The following METTL6 variants were observed in gnomAD, a reference collection of about 807,000 sequenced individuals.
METTL6 encodes the protein methyltransferase 6, tRNA N3-cytidine.
In METTL6, 22 loss-of-function variants were observed where a neutral mutation model predicts 26.4. That is an observed-to-expected ratio of 0.83 (90% confidence interval 0.59 to 1.19). The LOEUF is 1.19. Among genes scored for constraint, METTL6 ranks in the 50% most tolerant of loss-of-function variants. The probability of loss-of-function intolerance (pLI) is 0.00; values close to 1 mark genes in which losing one functional copy is unlikely to be tolerated. For synonymous variants in METTL6, 109 were observed against 116.2 expected (o/e 0.94, Z 0.40); for missense variants, 304 against 324.8 (o/e 0.94, Z 0.49).
chr3:15,401,473 C>T (rs566763046), intron 6 of METTL6, among the ~76,000 whole-genome samples: 1 of 150,026 alleles, frequency 6.7e-6, no homozygotes, highest in East Asian at 2.0e-4. Flanking sequence ...TGTGTCTGGC[C>T]CAGTTTTACA....
At chr3:15,418,971 G>T (rs2061551550) in intron 3 of METTL6, among the ~76,000 whole-genome samples, 1 of 152,060 alleles carries the variant, frequency 6.6e-6, no homozygotes, top group African/African-American at 2.4e-5. Context: ...ATCCTGTGTA[G>T]CCTGGGCAAC....
chr3:15,398,485 C>T lies in METTL6; in HGVS notation c.*11+12760G>A, dbSNP rs113404712. ...CTGGGATTACAGGCATGAGCCACTG[C>T]AGCTGGCCCAATGCTGAGAATTGAT... On this transcript the variant is annotated intron_variant, in intron 6 of 6. Transcript: ENST00000443029. Among the ~76,000 whole-genome samples the T allele has an allele frequency of 5.5e-3, 845 of 152,338 alleles. 7 individuals are homozygous for T. Among genetic ancestry groups the T allele is most frequent in the African/African-American group, 0.018 (759 of 41,588 alleles).
intron 6 of METTL6, among the ~76,000 whole-genome samples, chr3:15,390,555 C>T (rs1364770213): frequency 6.6e-6 from 1 of 152,192 alleles, no homozygotes; most frequent in Admixed American, 6.5e-5. Flanking sequence ...ACTCGGCCAC[C>T]TCGTGCTCAA....
Position 15,426,477 on chromosome 3 carries a change from C to G in METTL6, c.35G>C (p.Arg12Thr). ...CTCCTCTTCTTCAGAGGTGAGAATC[C>G]TTGCCTGCAGCCCTTTCCTTTGCAA... is the stretch of plus-strand genomic sequence containing the variant. ...ASLQRKGLQA[R>T]ILTSEEEEKL... Residue 12 changes from arginine to threonine, a missense_variant, in exon 2 of 6, where the codon AGG becomes ACG. Transcript: ENST00000383790. 7 of 1,614,090 alleles carry G rather than the reference C, an allele frequency of 4.3e-6. No homozygotes were observed. The highest frequency in any genetic ancestry group is 5.9e-6 in the Non-Finnish European group (7 of 1,180,028).
At chr3:15,397,679 A>C (rs1373336643) in intron 6 of METTL6, among the ~76,000 whole-genome samples, 2 of 152,174 alleles carry the variant, frequency 1.3e-5, no homozygotes, top group African/African-American at 4.8e-5. Flanking sequence ...TTATAGTTTA[A>C]ATTATAATAG....
chr3:15,404,739 G>A (rs1297653250), intron 6 of METTL6, among the ~76,000 whole-genome samples: 2 of 152,044 alleles, frequency 1.3e-5, no homozygotes, highest in Non-Finnish European at 2.9e-5. Flanking sequence ...TTATTCACAG[G>A]TGAGATCATA....
rs2061728642 is a variant in METTL6 at position 15,426,531 on chromosome 3, A to G, written c.-20T>C. 3.8e-6 allele frequency: 6 copies of G among 1,598,662 alleles called. No homozygotes were observed. Among genetic ancestry groups the G allele is most frequent in the Admixed American group, 1.7e-5 (1 of 59,166 alleles). ...AGCCATCTCTGAAACTGACGGTAAC[A>G]CTTAACACAGCTGAAGATTCTCCAT... On this transcript the variant is annotated 5_prime_UTR_variant, in exon 2 of 6. Transcript: ENST00000383790.
chr3:15,387,990 T>C (rs2124892397), intron 6 of METTL6, among the ~76,000 whole-genome samples: 1 of 152,214 alleles, frequency 6.6e-6, no homozygotes, highest in Middle Eastern at 3.4e-3. Context: ...ACAGGGGAAC[T>C]GCAGTAGACA....
rs1186847260 is a variant in METTL6, at chr3:15,410,591, A to G, written c.*665T>C. 1.3e-5 allele frequency among the ~76,000 whole-genome samples: 2 copies of G among 152,194 alleles called. No individual in the cohort carries two copies. Among genetic ancestry groups the G allele is most frequent in the African/African-American group, 4.8e-5 (2 of 41,440 alleles). ...CTCTCAAAGTGCTGGGGTTATAGGC[A>G]TGAGCCTATAACCCTCAAAATATCT... On this transcript the variant is annotated 3_prime_UTR_variant, in exon 6 of 6. Coordinates refer to ENST00000383790, the MANE Select transcript of METTL6 (RefSeq NM_152396.4).
chr3:15,389,415 T>G (rs1699283984), intron 6 of METTL6, among the ~76,000 whole-genome samples: 1 of 152,204 alleles, frequency 6.6e-6, no homozygotes, highest in Non-Finnish European at 1.5e-5. Context: ...CAGCCCTTTA[T>G]GTAGATAGAG....
At position 15,411,285 on chromosome 3, in the gene METTL6, C is replaced by G. The variant is rs1260910662; in HGVS notation, c.826G>C (p.Val276Leu). 6.2e-7 allele frequency: 1 copy of G among 1,614,030 alleles called. No homozygotes were observed. Among genetic ancestry groups the G allele is most frequent in the Non-Finnish European group, 8.5e-7 (1 of 1,180,010 alleles). Residue 276 changes from valine to leucine, a missense_variant, in exon 6 of 6, where the codon GTG (valine) becomes CTG (leucine). Transcript: ENST00000383790. ...FLKPPKNPSP[V>L]VLGLDPKS ...GACTTAGGATCCAGGCCCAGGACCA[C>G]AGGAGATGGGTTCTTAGGAGGCTTT...
At chr3:15,420,726 C>T (rs891573311) in intron 3 of METTL6, among the ~76,000 whole-genome samples, 3 of 152,104 alleles carry the variant, frequency 2.0e-5, no homozygotes, top group Non-Finnish European at 4.4e-5. Flanking sequence ...GTATGACCAA[C>T]GTAGAGTCAG....
At chr3:15,402,749 A>G (rs1252897998) in intron 6 of METTL6, among the ~76,000 whole-genome samples, 2 of 149,838 alleles carry the variant, frequency 1.3e-5, no homozygotes, top group African/African-American at 5.0e-5. Flanking sequence ...AAAAAAAAAA[A>G]GAAAAAGAAA....
At chr3:15,421,489 G>A (rs1005000068) in intron 3 of METTL6, among the ~76,000 whole-genome samples, 1 of 152,070 alleles carries the variant, frequency 6.6e-6, no homozygotes. Context: ...TTGAGATAGG[G>A]TCCTGCTTTG....
chr3:15,381,851 A>C (rs1003344362), exon 7 of METTL6: 3 of 152,132 alleles, frequency 2.0e-5, no homozygotes, highest in Admixed American at 6.5e-5. Context: ...TGAATATGTC[A>C]GATTATCTCT....
At chr3:15,407,118 G>A (rs1355577647), downstream of METTL6, among the ~76,000 whole-genome samples, 1 of 152,164 alleles carries the variant, frequency 6.6e-6, no homozygotes, top group Non-Finnish European at 1.5e-5. Flanking sequence ...CCGGGTTCAA[G>A]TGAGCCTCGG....
chr3:15,395,818 TG>T (rs1403007553), intron 6 of METTL6, among the ~76,000 whole-genome samples: 2 of 152,210 alleles, frequency 1.3e-5, no homozygotes, highest in East Asian at 3.8e-4. Context: ...TGTTGAATAT[TG>T]GCCCCCACTC....
At chr3:15,426,208 G>T in intron 2 of METTL6, 79 bp downstream of exon 2, 1 of 1,401,642 alleles carries the variant, frequency 7.1e-7, no homozygotes, top group Non-Finnish European at 9.9e-7. Flanking sequence ...CCAAGTACTG[G>T]GATTACAGGC....
intron 3 of METTL6, among the ~76,000 whole-genome samples, chr3:15,423,238 A>G (rs887612017): frequency 4.6e-5 from 7 of 152,034 alleles, no homozygotes; most frequent in Non-Finnish European, 1.0e-4. Context: ...TCTACTAAAA[A>G]TACAAAAATT....
Sources: allele counts gnomAD v4.1 joint callset (sites outside exome capture counted in the v4.1 genomes callset), GRCh38; gene constraint gnomAD v4.1.1; transcripts MANE v1.5; gene names NCBI Gene and HGNC (gene_info 2026-07-23, HGNC 2026-07-21).